VWA3A: variants seen among roughly 807,000 people sequenced by gnomAD.
The protein encoded by VWA3A is von Willebrand factor A domain-containing protein 3A.
In VWA3A, 134 loss-of-function variants were observed where a neutral mutation model predicts 160.4. The ratio of observed to expected loss-of-function variants is 0.84; its 90% CI spans 0.73 to 0.96. VWA3A has a LOEUF of 0.96. VWA3A is among the 40% of genes least tolerant of loss of function. VWA3A has a pLI of 0.00. For synonymous variants in VWA3A, 476 were observed against 543.4 expected, an observed-to-expected ratio of 0.88 and a Z score of 1.72; for missense variants, 1,310 against 1,447.9, an observed-to-expected ratio of 0.90 and a Z score of 1.55.
intron 13 of VWA3A, among the ~76,000 whole-genome samples, 171 bp from the exon 14 acceptor site, chr16:22,121,343 C>T (rs2045730713): frequency 6.6e-6 from 1 of 152,128 alleles, no homozygotes; most frequent in African/African-American, 2.4e-5. Flanking sequence ...CTCAGGTAGG[C>T]TGAGGCAGGA....
At chr16:22,145,993 T>G (rs1181546346) in intron 26 of VWA3A, among the ~76,000 whole-genome samples, 1 of 152,018 alleles carries the variant, frequency 6.6e-6, no homozygotes, top group Non-Finnish European at 1.5e-5. Flanking sequence ...AGCTAAATTT[T>G]CTGTTTTTGG....
intron 12 of VWA3A, 90 bp from the exon 13 acceptor site, chr16:22,120,878 C>T: frequency 6.6e-7 from 1 of 1,506,196 alleles, no homozygotes; most frequent in Non-Finnish European, 9.0e-7. Flanking sequence ...TAAGAAGCTC[C>T]ACTTGCATTG....
Position 22,121,612 on chromosome 16 carries a change from C to T in VWA3A, c.1351C>T (p.His451Tyr), listed in dbSNP as rs749311022. ...CCAGAAAACAGTATCATCGACCATC[C>T]ATGAGGTAATTCAGATTCATAATTC... is the stretch of plus-strand genomic sequence containing the variant. ...ILQKTVSSTI[H>Y]EKAMIQFEWH... Residue 451 changes from histidine to tyrosine, a missense_variant, in exon 14 of 34, where the codon CAT becomes TAT. Physicochemically the swap from His to Tyr is moderately conservative, Grantham distance 83. Transcript: ENST00000389398. 6.2e-7 allele frequency: 1 copy of T among 1,609,524 alleles called. No individual in the cohort carries two copies.
rs1481298583 is a variant in VWA3A, at chr16:22,131,729, G to A, written c.1872G>A (p.Met624Ile). The change falls in exon 19 of 34, where the codon ATG becomes ATA. Residue 624 changes from methionine to isoleucine, a missense_variant and splice_region_variant. Coordinates refer to ENST00000389398, the MANE Select transcript of VWA3A (RefSeq NM_173615.5). ...LFTGGIPDQDMPTLSAYMAEA... is the reference protein window; with the variant it reads ...LFTGGIPDQDIPTLSAYMAEA... ...CTGGGGGCATCCCCGACCAGGACAT[G>A]GTGGGTAGGCCACGTCCTGGGTGTC... 1 of 1,612,926 alleles carries A rather than the reference G, an allele frequency of 6.2e-7. No homozygotes were observed. The highest frequency in any genetic ancestry group is 1.1e-5 in the South Asian group (1 of 90,870).
At chr16:22,120,368 T>A (rs1209845557) in intron 12 of VWA3A, among the ~76,000 whole-genome samples, 2 of 152,174 alleles carry the variant, frequency 1.3e-5, no homozygotes, top group Non-Finnish European at 2.9e-5. Flanking sequence ...TCATCATAGA[T>A]CTTCTTTCTA....
At chr16:22,113,037 T>G (rs2045573571) in intron 8 of VWA3A, among the ~76,000 whole-genome samples, 1 of 152,254 alleles carries the variant, frequency 6.6e-6, no homozygotes, top group Non-Finnish European at 1.5e-5. Context: ...ATTTCCACTT[T>G]AGGTGGAGCA....
intron 16 of VWA3A, among the ~76,000 whole-genome samples, chr16:22,125,185 C>G (rs1479874259): frequency 2.7e-5 from 4 of 149,492 alleles, no homozygotes; most frequent in Non-Finnish European, 5.9e-5. Context: ...CAAAACCAGC[C>G]TGAGCAACAT....
intron 17 of VWA3A, among the ~76,000 whole-genome samples, chr16:22,130,118 A>T (rs933546165): frequency 6.6e-6 from 1 of 152,140 alleles, no homozygotes. Context: ...ACCCAGATTT[A>T]TTATCCAACG....
intron 29 of VWA3A, among the ~76,000 whole-genome samples, chr16:22,150,416 TA>T (rs1038836538): frequency 2.6e-5 from 4 of 151,704 alleles, no homozygotes; most frequent in Non-Finnish European, 5.9e-5. Flanking sequence ...AAATAAAAAT[TA>T]AAAAAAATAG....
rs1222315763 is a variant in VWA3A, at chr16:22,126,304, G to A, written c.1652+7G>A. 3 of 1,610,300 alleles carry A rather than the reference G, an allele frequency of 1.9e-6. No homozygotes were observed. The highest frequency in any genetic ancestry group is 1.7e-6 in the Non-Finnish European group (2 of 1,177,290). On this transcript the variant is annotated splice_region_variant and intron_variant, in intron 17 of 33. Coordinates refer to ENST00000389398, the MANE Select transcript of VWA3A (RefSeq NM_173615.5). Reference sequence around the variant, plus strand: ...ACTGTTTCAACCTCATCGCGTATGTGTCTCCTGGCTCCTGGGGGCAAGGGT... The same window carrying A: ...ACTGTTTCAACCTCATCGCGTATGTATCTCCTGGCTCCTGGGGGCAAGGGT...
intron 21 of VWA3A, among the ~76,000 whole-genome samples, chr16:22,135,469 A>C (rs1257352706): frequency 6.6e-6 from 1 of 152,154 alleles, no homozygotes; most frequent in Non-Finnish European, 1.5e-5. Context: ...TTTCTATGTA[A>C]GGCCACATGC....
rs1412053896 is a variant in VWA3A at position 22,126,252 on chromosome 16, T to C, written c.1607T>C (p.Leu536Pro). 1.2e-6 allele frequency: 2 copies of C among 1,613,884 alleles called. No individual in the cohort carries two copies. The highest frequency in any genetic ancestry group is 1.7e-6 in the Non-Finnish European group (2 of 1,179,888). Residue 536 changes from leucine to proline, a missense_variant, in exon 17 of 34, where the codon CTG becomes CCG. Leu to Pro is a moderately conservative substitution (Grantham distance 98). Coordinates refer to ENST00000389398, the MANE Select transcript of VWA3A (RefSeq NM_173615.5). ...IIHIQHSLRL[L>P]LEEQLSNKDC... The stretch of plus-strand genomic sequence containing the variant: ...CATATCCAGCACTCCCTGCGGCTGC[T>C]GCTGGAGGAGCAGTTATCCAACAAG...
In VWA3A at chr16:22,105,093, G is replaced by A. The variant is rs576125917; in HGVS notation, c.483+1564G>A. 6.6e-5 allele frequency among the ~76,000 whole-genome samples: 10 copies of A among 152,260 alleles called. No individual in the cohort carries two copies. In the South Asian group the frequency reaches 8.3e-4, roughly 13 times the overall value. On this transcript the variant is annotated intron_variant, in intron 6 of 33. Coordinates refer to ENST00000389398, the MANE Select transcript of VWA3A (RefSeq NM_173615.5). ...GCTTGGACGAGTTGAGTCAACAGAT[G>A]CTTGTCTGCAGCTATAGCTGGACCC...
At chr16:22,133,640 ACT>A (rs1182661026) in intron 20 of VWA3A, among the ~76,000 whole-genome samples, 4 of 126,846 alleles carry the variant, frequency 3.2e-5, no homozygotes. Context: ...ACAGAGCAAA[ACT>A]CTGTCTCAAA....
intron 20 of VWA3A, among the ~76,000 whole-genome samples, chr16:22,133,847 A>G (rs2045992523): frequency 6.6e-6 from 1 of 152,062 alleles, no homozygotes; most frequent in African/African-American, 2.4e-5. Flanking sequence ...AAAATATATA[A>G]TTTAGAATGT....
intron 19 of VWA3A, among the ~76,000 whole-genome samples, chr16:22,131,974 T>TA (rs1259881823): frequency 6.6e-6 from 1 of 152,204 alleles, no homozygotes; most frequent in Non-Finnish European, 1.5e-5. Flanking sequence ...CACATGCCTG[T>TA]ACTCCCAGCT....
chr16:22,100,776 G>T (rs781228027), intron 5 of VWA3A, among the ~76,000 whole-genome samples: 6 of 151,276 alleles, frequency 4.0e-5, no homozygotes, highest in Non-Finnish European at 7.4e-5. Flanking sequence ...GGGAGGTGGA[G>T]GTTCCAGTGA....
At chr16:22,148,415 C>T (rs1598108357) in intron 28 of VWA3A, 109 bp downstream of exon 28, 9 of 1,400,346 alleles carry the variant, frequency 6.4e-6, no homozygotes, top group Non-Finnish European at 8.5e-6. Context: ...TTCTGAGATG[C>T]TCTTCTGAGT....
Position 22,148,303 on chromosome 16 carries a change from A to T in VWA3A, c.2981A>T (p.Asp994Val). 6.3e-7 allele frequency: 1 copy of T among 1,594,200 alleles called. No homozygotes were observed. Among genetic ancestry groups the T allele is most frequent in the Non-Finnish European group, 8.5e-7 (1 of 1,170,646 alleles). Reference protein sequence around the residue: ...LIWEQLRKCCDSFNLLSFAES... With the variant: ...LIWEQLRKCCVSFNLLSFAES... The stretch of plus-strand genomic sequence containing the variant: ...TGGGAACAGCTGCGGAAGTGCTGTG[A>T]CAGGTAGGAGGCGAGGGCTGATCAG... Residue 994 changes from aspartate (D) to valine (V), a missense_variant, in exon 28 of 34, where the codon GAC becomes GTC. Coordinates refer to ENST00000389398, the MANE Select transcript of VWA3A (RefSeq NM_173615.5).
Sources: allele counts gnomAD v4.1 joint callset (sites outside exome capture counted in the v4.1 genomes callset), GRCh38; gene constraint gnomAD v4.1.1; transcripts MANE v1.5; gene names NCBI Gene and HGNC (gene_info 2026-07-23, HGNC 2026-07-21).